The following AGAP1 variants were observed in gnomAD, a reference collection of about 807,000 sequenced individuals.
The protein encoded by AGAP1 is arf-GAP with GTPase, ANK repeat and PH domain-containing protein 1.
In AGAP1, 29 loss-of-function variants were observed where a neutral mutation model predicts 105.3. The ratio of observed to expected loss-of-function variants is 0.28; its 90% CI spans 0.21 to 0.38. The LOEUF is 0.38. AGAP1 is among the 10% of genes least tolerant of loss of function. The probability of loss-of-function intolerance (pLI) is 1.00; values close to 1 mark genes in which losing one functional copy is unlikely to be tolerated. For synonymous variants in AGAP1, 509 were observed against 485.9 expected, an observed-to-expected ratio of 1.05 and a Z score of -0.63; for missense variants, 998 against 1,165.1, an observed-to-expected ratio of 0.86 and a Z score of 2.09.
rs1164788350 is a variant in AGAP1 at position 235,867,916 on chromosome 2, A to G, written c.1051-15429A>G. ...GCGCTTCTCTAGTTTTATTGAGGTC[A>G]GTTTGGTTCCTGTCAGCCACAGTTT... On this transcript the variant is annotated intron_variant, in intron 9 of 17. Transcript: ENST00000304032. The surrounding 1 kb of genome is among the most constrained non-coding windows in gnomAD (Gnocchi z 5.4). Among the ~76,000 whole-genome samples, 1 of 152,130 alleles carries G rather than the reference A, an allele frequency of 6.6e-6. No homozygotes were observed. The highest frequency in any genetic ancestry group is 1.5e-5 in the Non-Finnish European group (1 of 68,034).
rs2057355270 is a variant in AGAP1, at chr2:236,035,584, A to G, written c.1646-977A>G. On this transcript the variant is annotated intron_variant, in intron 13 of 17. Transcript: ENST00000304032. The surrounding 1 kb of genome is among the most constrained non-coding windows in gnomAD (Gnocchi z 4.2). ...AGATATAATGAGCTGTGATTGCACC[A>G]TGGCACTCCAGCTTGGACAACAAAG... Among the ~76,000 whole-genome samples, 2 of 152,178 alleles carry G rather than the reference A, an allele frequency of 1.3e-5. No individual in the cohort carries two copies. The highest frequency in any genetic ancestry group is 4.1e-4 in the South Asian group (2 of 4,830).
chr2:235,579,558 G>C (rs553529708), intron 1 of AGAP1, among the ~76,000 whole-genome samples: 1 of 152,060 alleles, frequency 6.6e-6, no homozygotes, highest in African/African-American at 2.4e-5. Context: ...GGCAGATCAC[G>C]AGGTCAGGAG....
intron 1 of AGAP1, among the ~76,000 whole-genome samples, chr2:235,668,687 G>A (rs1198994503): frequency 6.6e-6 from 1 of 152,216 alleles, no homozygotes; most frequent in African/African-American, 2.4e-5. Context: ...TCCTAGACCA[G>A]TATCTATCAG....
Position 235,577,815 on chromosome 2 carries a change from C to T in AGAP1, c.163+82966C>T, listed in dbSNP as rs1394698419. Among the ~76,000 whole-genome samples the T allele has an allele frequency of 6.6e-6, 1 of 152,038 alleles. No individual in the cohort carries two copies. The highest frequency in any genetic ancestry group is 1.5e-5 in the Non-Finnish European group (1 of 68,022). ...TGCTATTCCTGAAATGTAATCCCTC[C>T]TTCAGCGCTGCACAAAAGGCCCATG... is the stretch of plus-strand genomic sequence containing the variant. On this transcript the variant is annotated intron_variant, in intron 1 of 17. Transcript: ENST00000304032. The surrounding 1 kb of genome is among the most constrained non-coding windows in gnomAD (Gnocchi z 4.5).
In AGAP1 at chr2:235,719,040, G is replaced by A. The variant is rs1951254692; in HGVS notation, c.310+1396G>A. ...TTTGGGTTTTCCACTTATTTTCAAG[G>A]GCTAGCTATTGTAGAGGTTATACAG... On this transcript the variant is annotated intron_variant, in intron 3 of 17. Transcript: ENST00000304032. The surrounding 1 kb of genome is among the most constrained non-coding windows in gnomAD (Gnocchi z 4.9). 6.6e-6 allele frequency among the ~76,000 whole-genome samples: 1 copy of A among 152,092 alleles called. No homozygotes were observed. The highest frequency in any genetic ancestry group is 2.4e-5 in the African/African-American group (1 of 41,390).
In AGAP1 at chr2:236,005,125, T is replaced by TGG; in HGVS notation, c.1646-31436_1646-31435insGG. Reference sequence around the variant, plus strand: ...CCCCCTGACAAGTTTCCCATGTTTTTTGTGTGTGTGTGTGTTTTGGTTTTT... The same window carrying TGG: ...CCCCCTGACAAGTTTCCCATGTTTTTGGTGTGTGTGTGTGTGTTTTGGTTTTT... On this transcript the variant is annotated intron_variant, in intron 13 of 17. Transcript: ENST00000304032. This position sits in a 1 kb window ranked among gnomAD's most constrained non-coding sequence, Gnocchi z 4.1. Among the ~76,000 whole-genome samples the TGG allele has an allele frequency of 6.7e-6, 1 of 150,038 alleles. No individual in the cohort carries two copies. Among genetic ancestry groups the TGG allele is most frequent in the East Asian group, 1.9e-4 (1 of 5,156 alleles).
rs188062947 is a variant in AGAP1 at position 235,753,971 on chromosome 2, C to T, written c.673+3483C>T. ...TGCTGAGTAGGAGCTTTATTCAGTA[C>T]TTAGCAATCCTTAATAACAAAGTAA... On this transcript the variant is annotated intron_variant, in intron 6 of 17. Coordinates refer to ENST00000304032, the MANE Select transcript of AGAP1 (RefSeq NM_001037131.3). This position sits in a 1 kb window ranked among gnomAD's most constrained non-coding sequence, Gnocchi z 4.5. Among the ~76,000 whole-genome samples the T allele has an allele frequency of 9.3e-4, 142 of 152,268 alleles. No homozygotes were observed. The highest frequency in any genetic ancestry group is 1.7e-3 in the Non-Finnish European group (118 of 68,030).
rs1944453481 is a variant in AGAP1, at chr2:235,569,562, T to G, written c.163+74713T>G. Among the ~76,000 whole-genome samples, 1 of 152,158 alleles carries G rather than the reference T, an allele frequency of 6.6e-6. No homozygotes were observed. Among genetic ancestry groups the G allele is most frequent in the Non-Finnish European group, 1.5e-5 (1 of 68,026 alleles). Reference sequence around the variant, plus strand: ...AGCCCCGAATTCTGCCCTCTGCCCATGTGAGCATGGTCTGTGAGCAAACCT... The same window carrying G: ...AGCCCCGAATTCTGCCCTCTGCCCAGGTGAGCATGGTCTGTGAGCAAACCT... On this transcript the variant is annotated intron_variant, in intron 1 of 17. Transcript: ENST00000304032. This position sits in a 1 kb window ranked among gnomAD's most constrained non-coding sequence, Gnocchi z 5.9.
intron 1 of AGAP1, among the ~76,000 whole-genome samples, chr2:235,515,277 C>T (rs999978739): frequency 6.6e-6 from 1 of 152,010 alleles, no homozygotes; most frequent in Non-Finnish European, 1.5e-5. Flanking sequence ...GAACCATGGG[C>T]CCAGGGGACA....
At chr2:235,694,999 T>C (rs1438471571) in intron 1 of AGAP1, among the ~76,000 whole-genome samples, 1 of 152,230 alleles carries the variant, frequency 6.6e-6, no homozygotes, top group African/African-American at 2.4e-5. Context: ...TTGGAGAATG[T>C]AAGTATTTAA....
At position 235,625,091 on chromosome 2, in the gene AGAP1, G is replaced by T. The variant is rs1946597061; in HGVS notation, c.164-84088G>T. Reference sequence around the variant, plus strand: ...GCCTCAGATATTCCTTTAGAGTAATGCAAGAATGGACTAACACAGCAGGTG... The same window carrying T: ...GCCTCAGATATTCCTTTAGAGTAATTCAAGAATGGACTAACACAGCAGGTG... On this transcript the variant is annotated intron_variant, in intron 1 of 17. Transcript: ENST00000304032. This position sits in a 1 kb window ranked among gnomAD's most constrained non-coding sequence, Gnocchi z 4.0. 6.6e-6 allele frequency among the ~76,000 whole-genome samples: 1 copy of T among 152,182 alleles called. No individual in the cohort carries two copies. The highest frequency in any genetic ancestry group is 1.5e-5 in the Non-Finnish European group (1 of 68,046).
Position 236,073,395 on chromosome 2 carries a change from A to G in AGAP1, c.2114+24114A>G, listed in dbSNP as rs1040119362. Among the ~76,000 whole-genome samples the G allele has an allele frequency of 6.6e-5, 10 of 152,178 alleles. No individual in the cohort carries two copies. The highest frequency in any genetic ancestry group is 2.4e-4 in the African/African-American group (10 of 41,454). ...CACGTTTCAAGCATCTGATGGCCAC[A>G]TGTGGCCCATGTTTGGCAATCATGG... is the stretch of plus-strand genomic sequence containing the variant. On this transcript the variant is annotated intron_variant, in intron 16 of 17. Coordinates refer to ENST00000304032, the MANE Select transcript of AGAP1 (RefSeq NM_001037131.3). The surrounding 1 kb of genome is among the most constrained non-coding windows in gnomAD (Gnocchi z 5.4).
intron 9 of AGAP1, among the ~76,000 whole-genome samples, chr2:235,847,912 C>G (rs1248526758): frequency 6.6e-6 from 1 of 152,256 alleles, no homozygotes; most frequent in Admixed American, 6.5e-5. Flanking sequence ...CCACTTCTCA[C>G]ACCAGGGTTA....
chr2:236,064,527 C>T (rs1012007526), intron 16 of AGAP1, among the ~76,000 whole-genome samples: 7 of 152,140 alleles, frequency 4.6e-5, no homozygotes, highest in Non-Finnish European at 7.3e-5. Flanking sequence ...ACTCGGGAGG[C>T]GGAGGTTGCA....
At position 235,665,189 on chromosome 2, in the gene AGAP1, C is replaced by G. The variant is rs770655533; in HGVS notation, c.164-43990C>G. Among the ~76,000 whole-genome samples, 47 of 152,198 alleles carry G rather than the reference C, an allele frequency of 3.1e-4. No homozygotes were observed. Among genetic ancestry groups the G allele is most frequent in the Non-Finnish European group, 6.2e-4 (42 of 68,038 alleles). ...CTATGATCTTGCCACTGCACTCTAG[C>G]CTGTCTGTGTGGTGGTGTGTTCATA... On this transcript the variant is annotated intron_variant, in intron 1 of 17. Coordinates refer to ENST00000304032, the MANE Select transcript of AGAP1 (RefSeq NM_001037131.3). This position sits in a 1 kb window ranked among gnomAD's most constrained non-coding sequence, Gnocchi z 5.3.
At chr2:235,828,380 T>A (rs1959169801) in intron 9 of AGAP1, among the ~76,000 whole-genome samples, 1 of 152,108 alleles carries the variant, frequency 6.6e-6, no homozygotes, top group Non-Finnish European at 1.5e-5. Flanking sequence ...CACAACCACC[T>A]TAGGAGGGAT....
rs1218667428 is a variant in AGAP1 at position 236,121,696 on chromosome 2, C to A, written c.2370+1249C>A. 6.6e-6 allele frequency among the ~76,000 whole-genome samples: 1 copy of A among 152,194 alleles called. No homozygotes were observed. The highest frequency in any genetic ancestry group is 1.5e-5 in the Non-Finnish European group (1 of 68,034). On this transcript the variant is annotated intron_variant, in intron 17 of 17. Coordinates refer to ENST00000304032, the MANE Select transcript of AGAP1 (RefSeq NM_001037131.3). This position sits in a 1 kb window ranked among gnomAD's most constrained non-coding sequence, Gnocchi z 4.9. The stretch of plus-strand genomic sequence containing the variant: ...TACTCCCTTTTGCTCATGAGTCATA[C>A]ATGTGATGTAATGCACATTAAATAA...
chr2:235,497,347 G>A (rs1941360452), intron 1 of AGAP1, among the ~76,000 whole-genome samples: 1 of 152,208 alleles, frequency 6.6e-6, no homozygotes, highest in Non-Finnish European at 1.5e-5. Context: ...ACTGCAGAGG[G>A]CTCCCTGCAG....
At chr2:235,800,137 C>T (rs999780665) in intron 8 of AGAP1, among the ~76,000 whole-genome samples, 1 of 149,508 alleles carries the variant, frequency 6.7e-6, no homozygotes, top group Non-Finnish European at 1.5e-5. Context: ...GACAGGGTCT[C>T]ACTCTGTTGC....
Sources: gnomAD v4.1 joint callset for allele counts (sites outside exome capture counted in the v4.1 genomes callset) on GRCh38, gnomAD v4.1.1 for gene constraint, Gnocchi (gnomAD v3.1) non-coding constraint, MANE v1.5 for transcripts, NCBI Gene and HGNC (gene_info 2026-07-23, HGNC 2026-07-21) for gene names.